SLCO2B1: variants seen among roughly 807,000 people sequenced by gnomAD.
The protein encoded by SLCO2B1 is OATP-RP2.
SLCO2B1 carries 41 observed loss-of-function variants against 67.3 expected under a neutral mutation model. That is an observed-to-expected ratio of 0.61 (90% CI 0.47 to 0.79). The LOEUF (loss-of-function observed/expected upper bound fraction) is 0.79. Among genes scored for constraint, SLCO2B1 ranks in the 30% least tolerant of loss-of-function variants. The probability of loss-of-function intolerance (pLI) is 0.00; values close to 1 mark genes in which losing one functional copy is unlikely to be tolerated. For missense variants in SLCO2B1, 837 were observed against 920.1 expected (o/e 0.91, Z 1.17); for synonymous variants, 379 against 381.4 (o/e 0.99, Z 0.07).
At chr11:75,203,193 C>A in intron 12 of SLCO2B1, 114 bp from the exon 13 acceptor site, 1 of 1,451,398 alleles carries the variant, frequency 6.9e-7, no homozygotes, top group Non-Finnish European at 9.3e-7. Context: ...GGCTTGAGGG[C>A]CAGACAGCCA....
At chr11:75,192,705 A>G (rs1453761915) in intron 8 of SLCO2B1, among the ~76,000 whole-genome samples, 2 of 152,222 alleles carry the variant, frequency 1.3e-5, no homozygotes, top group Non-Finnish European at 2.9e-5. Flanking sequence ...ATCAAATAAG[A>G]TATAGTCTAA....
At position 75,203,181 on chromosome 11, in the gene SLCO2B1, C is replaced by T. The variant is rs370308930; in HGVS notation, c.1829-126C>T. ...AGCCACCTCGGATGCAGGGGTGGGG[C>T]GGGCTTGAGGGCCAGACAGCCAAGA... On this transcript the variant is annotated intron_variant, in intron 12 of 13. Coordinates refer to ENST00000289575, the MANE Select transcript of SLCO2B1 (RefSeq NM_007256.5). The T allele has an allele frequency of 9.1e-5, 126 of 1,381,080 alleles. 1 individual carries two copies. The highest frequency in any genetic ancestry group is 7.3e-4 in the African/African-American group (51 of 70,008). The allele number at this position is 1,381,080 out of a possible 1,614,324, so 85.6% of individuals were successfully genotyped here. A position where few individuals can be genotyped will look rare whatever the true frequency, so the allele number is the denominator to read the frequency against.
intron 10 of SLCO2B1, among the ~76,000 whole-genome samples, chr11:75,199,363 C>T (rs770410330): frequency 6.6e-6 from 1 of 152,168 alleles, no homozygotes; most frequent in East Asian, 1.9e-4. Context: ...AAATCTAAAC[C>T]CATTTATCCA....
intron 7 of SLCO2B1, among the ~76,000 whole-genome samples, chr11:75,181,381 A>AG (rs1395026609): frequency 9.3e-5 from 14 of 151,166 alleles, no homozygotes; most frequent in Admixed American, 3.3e-4. Flanking sequence ...TCAAAAAAAA[A>AG]AAAAAAAGAA....
At chr11:75,172,331 G>T in intron 6 of SLCO2B1, 48 bp from the exon 7 acceptor site, 1 of 1,536,176 alleles carries the variant, frequency 6.5e-7, no homozygotes, top group South Asian at 1.2e-5. Flanking sequence ...GCTTAGAAGT[G>T]ACAGCCTATC....
chr11:75,200,332 C>G lies in SLCO2B1; in HGVS notation c.1708C>G (p.Leu570Val). 1 of 1,613,526 alleles carries G rather than the reference C, an allele frequency of 6.2e-7. No individual in the cohort carries two copies. The highest frequency in any genetic ancestry group is 8.5e-7 in the Non-Finnish European group (1 of 1,179,898). Residue 570 changes from leucine (L) to valine (V), a missense_variant, in exon 11 of 14, where the codon CTG becomes GTG. Physicochemically the swap from Leu to Val is conservative, Grantham distance 32. Transcript: ENST00000289575. ...GGTGCCCTTCCTGCTCCTGGTCAGC[C>G]TGGGCTCGGCCCTGGCCTGTCTCAC... The part of the protein sequence containing the change: ...LVVPFLLLVS[L>V]GSALACLTHT...
intron 7 of SLCO2B1, among the ~76,000 whole-genome samples, chr11:75,186,652 C>G (rs1474204462): frequency 1.3e-5 from 2 of 152,158 alleles, no homozygotes; most frequent in Non-Finnish European, 2.9e-5. Flanking sequence ...CACACCCGGC[C>G]TAGGCATAAG....
intron 1 of SLCO2B1, among the ~76,000 whole-genome samples, chr11:75,153,650 A>G (rs1949715518): frequency 1.3e-5 from 2 of 152,208 alleles, no homozygotes; most frequent in Admixed American, 1.3e-4. Context: ...AATGCTTAGA[A>G]AAGTGACTAC....
chr11:75,164,862 T>C (rs1158329791), intron 3 of SLCO2B1, among the ~76,000 whole-genome samples: 1 of 152,140 alleles, frequency 6.6e-6, no homozygotes, highest in Non-Finnish European at 1.5e-5. Flanking sequence ...TTTGGGCAAG[T>C]CACTCCCCTG....
At chr11:75,160,689 T>G (rs1356693776) in intron 1 of SLCO2B1, among the ~76,000 whole-genome samples, 1 of 152,234 alleles carries the variant, frequency 6.6e-6, no homozygotes, top group Non-Finnish European at 1.5e-5. Context: ...AGTTCCTTGC[T>G]TCCTCTGAGT....
intron 3 of SLCO2B1, among the ~76,000 whole-genome samples, chr11:75,164,543 G>T (rs1396506452): frequency 6.6e-6 from 1 of 152,088 alleles, no homozygotes; most frequent in African/African-American, 2.4e-5. Flanking sequence ...CCTTAGAACT[G>T]CCTGGGGATT....
intron 9 of SLCO2B1, among the ~76,000 whole-genome samples, chr11:75,195,983 G>A (rs898638208): frequency 6.6e-6 from 1 of 152,180 alleles, no homozygotes; most frequent in African/African-American, 2.4e-5. Context: ...GGAGGCAAGT[G>A]GGACTAAAAT....
chr11:75,188,220 G>C lies in SLCO2B1; in HGVS notation c.1057G>C (p.Val353Leu). The change falls in exon 8 of 14, where the codon GTG becomes CTG. Residue 353 changes from valine (V) to leucine (L), a missense_variant. Coordinates refer to ENST00000289575, the MANE Select transcript of SLCO2B1 (RefSeq NM_007256.5). ...AGTCCAGATTGCACCAAACCTGACT[G>C]TGATCCAGTTCATTAAAGGTAAGTC... ...GLVQIAPNLT[V>L]IQFIKVFPRV... is the part of the protein sequence containing the mutation. 1 of 1,613,426 alleles carries C rather than the reference G, an allele frequency of 6.2e-7. No homozygotes were observed. The highest frequency in any genetic ancestry group is 1.1e-5 in the South Asian group (1 of 91,048).
intron 4 of SLCO2B1, among the ~76,000 whole-genome samples, chr11:75,168,849 C>T (rs1276566683): frequency 6.6e-6 from 1 of 152,192 alleles, no homozygotes. Flanking sequence ...CACCTTTGAC[C>T]ACCCCGCCCC....
At chr11:75,159,377 G>T (rs1230641039) in intron 1 of SLCO2B1, among the ~76,000 whole-genome samples, 1 of 152,172 alleles carries the variant, frequency 6.6e-6, no homozygotes, top group Non-Finnish European at 1.5e-5. Context: ...CTGGCTCTCT[G>T]CCCCAGGTCC....
intron 9 of SLCO2B1, among the ~76,000 whole-genome samples, chr11:75,194,503 TC>T (rs937816124): frequency 6.6e-6 from 1 of 151,266 alleles, no homozygotes; most frequent in Non-Finnish European, 1.5e-5. Context: ...ACCCAGCCCC[TC>T]CCCGTCTGTC....
intron 11 of SLCO2B1, 175 bp downstream of exon 11, chr11:75,200,562 C>T (rs1023059806): frequency 1.8e-6 from 1 of 549,676 alleles, no homozygotes; most frequent in Non-Finnish European, 3.0e-6. Flanking sequence ...AAGGTTTTCT[C>T]CCCATCTTGC....
intron 7 of SLCO2B1, among the ~76,000 whole-genome samples, chr11:75,184,683 G>A (rs971620205): frequency 6.6e-6 from 1 of 152,194 alleles, no homozygotes; most frequent in Non-Finnish European, 1.5e-5. Flanking sequence ...AAGTCAGCCT[G>A]CATCCTGCCA....
At chr11:75,177,440 C>T (rs1235368027) in intron 7 of SLCO2B1, among the ~76,000 whole-genome samples, 3 of 152,126 alleles carry the variant, frequency 2.0e-5, no homozygotes, top group African/African-American at 7.2e-5. Context: ...AGGGACAGGG[C>T]TAGACATGGC....
Sources: allele counts gnomAD v4.1 joint callset (sites outside exome capture counted in the v4.1 genomes callset), GRCh38; gene constraint gnomAD v4.1.1; transcripts MANE v1.5; gene names NCBI Gene and HGNC (gene_info 2026-07-23, HGNC 2026-07-21).